The following SAMD3 variants were observed in gnomAD, a reference collection of about 807,000 sequenced individuals.
SAMD3 encodes sterile alpha motif domain-containing protein 3.
SAMD3 carries 63 observed loss-of-function variants against 58.5 expected under a neutral mutation model. The observed-to-expected ratio is 1.08, with a 90% CI of 0.88 to 1.33. The LOEUF is 1.33. Among genes scored for constraint, SAMD3 ranks in the 40% most tolerant of loss-of-function variants. The pLI is 0.00. For missense variants in SAMD3, 604 were observed against 608.4 expected, an observed-to-expected ratio of 0.99 and a Z score of 0.08; for synonymous variants, 220 against 210.3, an observed-to-expected ratio of 1.05 and a Z score of -0.40.
intron 2 of SAMD3, among the ~76,000 whole-genome samples, chr6:130,293,084 G>C (rs12213922): frequency 0.28 from 42,457 of 152,136 alleles, 6,381 homozygotes; most frequent in East Asian, 0.45. Context: ...TCCTCAATTA[G>C]TATTTAAAAT....
chr6:130,166,754 G>A (rs1790768439), intron 8 of SAMD3, among the ~76,000 whole-genome samples: 2 of 152,200 alleles, frequency 1.3e-5, no homozygotes, highest in Non-Finnish European at 2.9e-5. Flanking sequence ...AAATGCAAAA[G>A]GCTAACACAC....
intron 2 of SAMD3, among the ~76,000 whole-genome samples, chr6:130,237,875 G>A (rs948447334): frequency 6.6e-6 from 1 of 152,120 alleles, no homozygotes; most frequent in South Asian, 2.1e-4. Flanking sequence ...TTATTAAAAG[G>A]AACGCAAATG....
intron 1 of SAMD3, among the ~76,000 whole-genome samples, chr6:130,217,178 T>C (rs765444805): frequency 6.6e-6 from 1 of 152,160 alleles, no homozygotes; most frequent in Non-Finnish European, 1.5e-5. Flanking sequence ...GGAGAGTTAA[T>C]AAAACAATAT....
rs74454646 is a variant in SAMD3, at chr6:130,298,440, A to G, written c.-188+14538T>C. Among the ~76,000 whole-genome samples the G allele has an allele frequency of 2.5e-3, 387 of 152,344 alleles. 4 individuals are homozygous for G. Among genetic ancestry groups the G allele is most frequent in the African/African-American group, 8.9e-3 (372 of 41,598 alleles). On this transcript the variant is annotated intron_variant, in intron 2 of 13. Coordinates refer to the SAMD3 transcript ENST00000368134. Reference sequence around the variant, plus strand: ...CTACCATAAAAGCACACATAAGTACACAGATCATATAAGGCAATTATATAA... The same window carrying G: ...CTACCATAAAAGCACACATAAGTACGCAGATCATATAAGGCAATTATATAA...
rs544421186 is a variant in SAMD3 at position 130,238,925 on chromosome 6, A to AT, written c.-187-16113dup. On this transcript the variant is annotated intron_variant, in intron 2 of 13. Transcript: ENST00000368134. The stretch of plus-strand genomic sequence containing the variant: ...AGGTGCCCACCACCACACCTGGCTA[A>AT]TTTTTTTATTTTTAGTAGAGACGGG... Among the ~76,000 whole-genome samples the AT allele has an allele frequency of 3.5e-3, 527 of 152,106 alleles. 16 individuals carry two copies. Among genetic ancestry groups the AT allele is most frequent in the Admixed American group, 0.032 (496 of 15,272 alleles).
At chr6:130,236,753 T>A (rs1773166923) in intron 2 of SAMD3, among the ~76,000 whole-genome samples, 5 of 152,262 alleles carry the variant, frequency 3.3e-5, no homozygotes, top group Admixed American at 3.3e-4. Context: ...GCTGGTTATT[T>A]CATTAGATGA....
chr6:130,213,523 A>C (rs923353528), intron 4 of SAMD3, among the ~76,000 whole-genome samples: 1 of 152,160 alleles, frequency 6.6e-6, no homozygotes, highest in African/African-American at 2.4e-5. Flanking sequence ...TTAACGTAAA[A>C]ACATAGATTT....
At chr6:130,235,077 T>C (rs1773100294) in intron 2 of SAMD3, among the ~76,000 whole-genome samples, 1 of 152,160 alleles carries the variant, frequency 6.6e-6, no homozygotes, top group Non-Finnish European at 1.5e-5. Flanking sequence ...ATTGTGACAC[T>C]GCACTCCAGC....
chr6:130,216,907 T>C (rs926534342), intron 1 of SAMD3, among the ~76,000 whole-genome samples: 4 of 151,746 alleles, frequency 2.6e-5, no homozygotes, highest in Non-Finnish European at 5.9e-5. Flanking sequence ...AGGGAAAAAA[T>C]AGAAAATAGA....
At chr6:130,349,554 G>A (rs1373742726) in intron 1 of SAMD3, among the ~76,000 whole-genome samples, 1 of 152,102 alleles carries the variant, frequency 6.6e-6, no homozygotes, top group African/African-American at 2.4e-5. Context: ...CCAATAACAG[G>A]CTCTGAAATT....
intron 1 of SAMD3, among the ~76,000 whole-genome samples, chr6:130,356,835 A>G (rs1777844970): frequency 6.6e-6 from 1 of 152,214 alleles, no homozygotes; most frequent in Non-Finnish European, 1.5e-5. Context: ...ACTACAGGGA[A>G]GAAATTAAGA....
chr6:130,351,393 A>G (rs560183684), intron 1 of SAMD3, among the ~76,000 whole-genome samples: 1 of 152,324 alleles, frequency 6.6e-6, no homozygotes, highest in East Asian at 1.9e-4. Flanking sequence ...AAAAACAAAC[A>G]ACCCCATCAA....
intron 2 of SAMD3, among the ~76,000 whole-genome samples, chr6:130,264,417 C>T (rs1774262036): frequency 1.3e-5 from 2 of 152,206 alleles, no homozygotes; most frequent in Non-Finnish European, 2.9e-5. Flanking sequence ...TCAGTCAGCC[C>T]TTGTTCATCC....
intron 7 of SAMD3, 83 bp from the exon 8 acceptor site, chr6:130,176,091 A>G: frequency 9.7e-7 from 1 of 1,030,538 alleles, no homozygotes; most frequent in South Asian, 1.3e-5. Flanking sequence ...ACAACAATAC[A>G]TACCTATCAT....
At chr6:130,245,725 A>C (rs1773519540) in intron 2 of SAMD3, among the ~76,000 whole-genome samples, 1 of 152,240 alleles carries the variant, frequency 6.6e-6, no homozygotes, top group Non-Finnish European at 1.5e-5. Flanking sequence ...AAATGTATGT[A>C]AAACTCTACA....
At chr6:130,178,077 C>T (rs1964174) in intron 7 of SAMD3, among the ~76,000 whole-genome samples, 14,339 of 152,070 alleles carry the variant, frequency 0.094, 1,080 homozygotes, top group African/African-American at 0.2. Context: ...TGGGCTCAAG[C>T]GATTCTCCTG....
chr6:130,163,803 T>C (rs1790479413), intron 8 of SAMD3, among the ~76,000 whole-genome samples: 1 of 152,212 alleles, frequency 6.6e-6, no homozygotes, highest in Non-Finnish European at 1.5e-5. Context: ...GTAAATATTC[T>C]TAACATTTGA....
intron 1 of SAMD3, among the ~76,000 whole-genome samples, chr6:130,335,264 G>A (rs1383334983): frequency 6.6e-6 from 1 of 152,174 alleles, no homozygotes; most frequent in East Asian, 1.9e-4. Context: ...CCAAGACTGA[G>A]TAGTATAGCC....
intron 1 of SAMD3, among the ~76,000 whole-genome samples, chr6:130,347,669 G>A (rs1160488276): frequency 6.6e-6 from 1 of 152,130 alleles, no homozygotes; most frequent in Middle Eastern, 3.2e-3. Context: ...TATTATCCAG[G>A]AGAACTTCCC....
Sources: allele counts gnomAD v4.1 joint callset (sites outside exome capture counted in the v4.1 genomes callset), GRCh38; gene constraint gnomAD v4.1.1; transcripts MANE v1.5; gene names NCBI Gene and HGNC (gene_info 2026-07-23, HGNC 2026-07-21).